The following POGLUT2 variants were observed in gnomAD, a reference collection of about 807,000 sequenced individuals.
POGLUT2 encodes ER protein 58.
Under a neutral mutation model 57.6 loss-of-function variants are expected in POGLUT2, and 47 were observed. The observed-to-expected ratio is 0.82, with a 90% CI of 0.65 to 1.04. The LOEUF (loss-of-function observed/expected upper bound fraction) is 1.04. POGLUT2 is among the 50% of genes least tolerant of loss of function. The pLI is 0.00. For missense variants in POGLUT2, 565 were observed against 614.8 expected, an observed-to-expected ratio of 0.92 and a Z score of 0.86; for synonymous variants, 200 against 218.8, an observed-to-expected ratio of 0.91 and a Z score of 0.76.
intron 4 of POGLUT2, chr13:102,792,108 G>A: frequency 1.6e-6 from 2 of 1,283,030 alleles, no homozygotes; most frequent in Non-Finnish European, 2.0e-6. Context: ...TAGTTTAAAG[G>A]AGGCTTAATA....
chr13:102,784,436 C>G lies in POGLUT2; in HGVS notation c.*59G>C. 1 of 1,052,272 alleles carries G rather than the reference C, an allele frequency of 9.5e-7. No homozygotes were observed. The allele number at this position is 1,052,272 out of a possible 1,614,324, so 65.2% of individuals were successfully genotyped here. Reference sequence around the variant, plus strand: ...GGAATTAATACTTAAAAAAATTCTTCTTTTTAGTTAAGAAGAGTCTTCAGA... The same window carrying G: ...GGAATTAATACTTAAAAAAATTCTTGTTTTTAGTTAAGAAGAGTCTTCAGA... On this transcript the variant is annotated 3_prime_UTR_variant, in exon 10 of 10. Transcript: ENST00000376004.
rs1327737548 is a variant in POGLUT2 at position 102,786,296 on chromosome 13, C to T, written c.1427G>A (p.Gly476Asp). 6.2e-6 allele frequency: 10 copies of T among 1,613,870 alleles called. No individual in the cohort carries two copies. Among genetic ancestry groups the T allele is most frequent in the African/African-American group, 2.7e-5 (2 of 74,934 alleles). ...LQVSEPQIRE[G>D]MKRVEPQTED... ...AGTCTGTGGTTCTACCCTTTTCATGCCCTCTCGGATTTGGGGCTCACTCAC... is the reference window on the plus strand; with the variant it reads ...AGTCTGTGGTTCTACCCTTTTCATGTCCTCTCGGATTTGGGGCTCACTCAC... Residue 476 changes from glycine to aspartate, a missense_variant, in exon 9 of 10, where the codon GGC (glycine) becomes GAC (aspartate). Physicochemically the swap from Gly to Asp is moderately conservative, Grantham distance 94 (BLOSUM62 -1). Coordinates refer to ENST00000376004, the MANE Select transcript of POGLUT2 (RefSeq NM_024089.3).
rs1683547425 is a variant in POGLUT2, at chr13:102,796,979, G to T, written c.213C>A (p.Phe71Leu). 1 of 1,613,178 alleles carries T rather than the reference G, an allele frequency of 6.2e-7. No individual in the cohort carries two copies. Residue 71 changes from phenylalanine (F) to leucine (L), a missense_variant, in exon 2 of 10, where the codon TTC (phenylalanine) becomes TTA (leucine). By Grantham distance (22) the Phe-to-Leu change is conservative (BLOSUM62 0). Coordinates refer to ENST00000376004, the MANE Select transcript of POGLUT2 (RefSeq NM_024089.3). ...KFTSSPGEKVFQVKVSAPEEQ... is the reference protein window; with the variant it reads ...KFTSSPGEKVLQVKVSAPEEQ... Reference sequence around the variant, plus strand: ...CCTCTGGTGCTGAGACTTTCACCTGGAAGACCTTTTCGCCTGGAGAAGATG... The same window carrying T: ...CCTCTGGTGCTGAGACTTTCACCTGTAAGACCTTTTCGCCTGGAGAAGATG...
At chr13:102,786,825 T>C (rs559666296) in intron 8 of POGLUT2, among the ~76,000 whole-genome samples, 1 of 152,158 alleles carries the variant, frequency 6.6e-6, no homozygotes, top group African/African-American at 2.4e-5. Context: ...ATCCCCCCAG[T>C]TTATTCATTT....
intron 8 of POGLUT2, among the ~76,000 whole-genome samples, chr13:102,787,473 C>T (rs541244513): frequency 1.3e-5 from 2 of 152,168 alleles, no homozygotes; most frequent in Admixed American, 6.5e-5. Flanking sequence ...AGACAAGAGG[C>T]CCAAACACAC....
intron 6 of POGLUT2, among the ~76,000 whole-genome samples, chr13:102,790,534 A>G (rs1475750956): frequency 2.0e-5 from 3 of 152,240 alleles, no homozygotes; most frequent in Non-Finnish European, 4.4e-5. Context: ...AGTAGTTTAT[A>G]TCTTCCTTAT....
At chr13:102,791,526 C>T in intron 4 of POGLUT2, 96 bp from the exon 5 acceptor site, 1 of 1,124,590 alleles carries the variant, frequency 8.9e-7, no homozygotes, top group Non-Finnish European at 1.3e-6. Flanking sequence ...TAATGAAAGG[C>T]CAATGTTACA....
chr13:102,798,879 G>T lies in POGLUT2; in HGVS notation c.-209C>A, dbSNP rs75139075. 6.8e-3 allele frequency: 3,324 copies of T among 490,128 alleles called. 54 individuals are homozygous for T. The highest frequency in any genetic ancestry group is 0.053 in the East Asian group (1,555 of 29,392). The allele number at this position is 490,128 out of a possible 1,614,324, so 30.4% of individuals were successfully genotyped here. On this transcript the variant is annotated 5_prime_UTR_variant, in exon 1 of 10. Coordinates refer to ENST00000376004, the MANE Select transcript of POGLUT2 (RefSeq NM_024089.3). ...CGTGCCCCGGCGCGCCCAGGTGAGGGTCCCCTGGCGTTCTGCTGTCCCGGC... is the reference window on the plus strand; with the variant it reads ...CGTGCCCCGGCGCGCCCAGGTGAGGTTCCCCTGGCGTTCTGCTGTCCCGGC...
At chr13:102,791,675 C>G (rs1318472613) in intron 4 of POGLUT2, among the ~76,000 whole-genome samples, 2 of 152,130 alleles carry the variant, frequency 1.3e-5, no homozygotes, top group African/African-American at 4.8e-5. Flanking sequence ...TGCGAACAGC[C>G]TCTAAGATGA....
chr13:102,794,158 G>A (rs1171240174), intron 2 of POGLUT2, among the ~76,000 whole-genome samples: 1 of 152,052 alleles, frequency 6.6e-6, no homozygotes, highest in East Asian at 1.9e-4. Flanking sequence ...GATCACTTGA[G>A]CCCAGGAGGT....
chr13:102,787,238 G>A (rs1270218118), intron 8 of POGLUT2, among the ~76,000 whole-genome samples: 1 of 151,908 alleles, frequency 6.6e-6, no homozygotes, highest in African/African-American at 2.4e-5. Context: ...GTAGAGACGG[G>A]GTTTCACCAT....
intron 4 of POGLUT2, chr13:102,793,113 C>T (rs1878246327): frequency 4.4e-6 from 2 of 453,102 alleles, no homozygotes; most frequent in Non-Finnish European, 3.9e-6. Context: ...CCATAACTGC[C>T]AGAGAATACA....
intron 1 of POGLUT2, among the ~76,000 whole-genome samples, chr13:102,797,658 C>A (rs1281697741): frequency 6.6e-6 from 1 of 152,070 alleles, no homozygotes; most frequent in African/African-American, 2.4e-5. Flanking sequence ...GGGAGGATAG[C>A]TTCAGCCTGG....
rs956693844 is a variant in POGLUT2, at chr13:102,797,099, C to T, written c.183-90G>A. The T allele has an allele frequency of 6.1e-6, 5 of 821,604 alleles. No homozygotes were observed. The African/African-American group carries it at 8.5e-5, about 14-fold the overall frequency. The allele number at this position is 821,604 out of a possible 1,614,324, so 50.9% of individuals were successfully genotyped here. ...TCTTCAGTCTGGAAACTTGATTATT[C>T]TCCTCCACATTCTTCCTCTAACATA... On this transcript the variant is annotated intron_variant, in intron 1 of 9. Transcript: ENST00000376004.
In POGLUT2 at chr13:102,793,024, C is replaced by T. The variant is rs1878240651; in HGVS notation, c.672+317G>A. On this transcript the variant is annotated intron_variant, in intron 4 of 9. Coordinates refer to ENST00000376004, the MANE Select transcript of POGLUT2 (RefSeq NM_024089.3). ...CTCCTGGGCTCAAGTGATCCACCCG[C>T]TTTGACCTCCTAAAGTGCTAGGATT... 1.3e-5 allele frequency: 3 copies of T among 231,568 alleles called. No homozygotes were observed. In the South Asian group the frequency reaches 2.7e-4, roughly 21 times the overall value. 14.3% of individuals were successfully genotyped at this position (231,568 alleles called of 1,614,324 possible).
intron 4 of POGLUT2, 42 bp from the exon 5 acceptor site, chr13:102,791,472 TTGGATAA>T: frequency 6.6e-7 from 1 of 1,513,030 alleles, no homozygotes; most frequent in Non-Finnish European, 8.9e-7. Context: ...ATTTCCTGCA[TTGGATAA>T]TACATTGTAT....
intron 6 of POGLUT2, among the ~76,000 whole-genome samples, chr13:102,789,888 A>C (rs896023950): frequency 1.3e-5 from 2 of 152,232 alleles, no homozygotes; most frequent in Non-Finnish European, 2.9e-5. Flanking sequence ...GTGAGCCATC[A>C]CGCCTGGCTA....
chr13:102,788,810 T>G (rs1878054945), intron 7 of POGLUT2, among the ~76,000 whole-genome samples: 1 of 151,986 alleles, frequency 6.6e-6, no homozygotes. Flanking sequence ...ACATGCAGAG[T>G]GGAGAGTTAA....
intron 8 of POGLUT2, 117 bp from the exon 9 acceptor site, chr13:102,786,456 T>C (rs1015595784): frequency 1.4e-6 from 1 of 731,386 alleles, no homozygotes; most frequent in African/African-American, 1.7e-5. Context: ...CAAACTGTGA[T>C]CTGCATAGTC....
Sources: gnomAD v4.1 joint callset for allele counts (sites outside exome capture counted in the v4.1 genomes callset) on GRCh38, gnomAD v4.1.1 for gene constraint, MANE v1.5 for transcripts, NCBI Gene and HGNC (gene_info 2026-07-23, HGNC 2026-07-21) for gene names.